Variants in ANO4 observed in about 807,000 individuals in gnomAD.
The protein encoded by ANO4 is anoctamin-4.
Under a neutral mutation model 141.9 loss-of-function variants are expected in ANO4, and 69 were observed. The ratio of observed to expected loss-of-function variants is 0.49; its 90% CI spans 0.40 to 0.59. The LOEUF (loss-of-function observed/expected upper bound fraction) is 0.59, where lower values mean the gene tolerates loss of function less well. Among genes scored for constraint, ANO4 ranks in the 20% least tolerant of loss-of-function variants. The pLI is 0.00. For missense variants in ANO4, 894 were observed against 1,162.2 expected (o/e 0.77, Z 3.36); for synonymous variants, 350 against 394.3 (o/e 0.89, Z 1.33).
chr12:101,020,219 G>A, intron 9 of ANO4, 79 bp downstream of exon 9: 11 of 986,666 alleles, frequency 1.1e-5, no homozygotes, highest in East Asian at 2.5e-5. Context: ...TATTAAGTTT[G>A]TATCAATTCT....
intron 1 of ANO4, among the ~76,000 whole-genome samples, chr12:100,880,304 C>G (rs1454240048): frequency 6.6e-6 from 1 of 152,162 alleles, no homozygotes; most frequent in Non-Finnish European, 1.5e-5. Flanking sequence ...GTAGTAATAG[C>G]AATGGCTAAT....
chr12:100,987,816 T>G (rs901081085), intron 8 of ANO4, 146 bp downstream of exon 8: 4 of 1,161,096 alleles, frequency 3.4e-6, no homozygotes, highest in Non-Finnish European at 4.8e-6. Context: ...TTCATATCCC[T>G]TTTATTTCAG....
At position 100,874,925 on chromosome 12, in the gene ANO4, T is replaced by A. The variant is rs117723798; in HGVS notation, c.-140-26721T>A. Among the ~76,000 whole-genome samples the A allele has an allele frequency of 7.7e-3, 1,167 of 152,258 alleles. 8 individuals are homozygous for A. The highest frequency in any genetic ancestry group is 0.011 in the Non-Finnish European group (770 of 68,010). On this transcript the variant is annotated intron_variant, in intron 1 of 27. Coordinates refer to ENST00000392977, the MANE Select transcript of ANO4 (RefSeq NM_001286615.2). ...ATTGGGTGTATTTCCCCAATGCCTG[T>A]ACCCTCATTGTATCTTGAAAGTAAC...
intron 1 of ANO4, among the ~76,000 whole-genome samples, chr12:100,725,701 G>A (rs1046491347): frequency 1.3e-5 from 2 of 152,190 alleles, no homozygotes; most frequent in African/African-American, 4.8e-5. Flanking sequence ...GGACTTTGGA[G>A]CTTCATAGTT....
chr12:100,969,832 A>G (rs1437634423), intron 5 of ANO4, among the ~76,000 whole-genome samples: 2 of 152,216 alleles, frequency 1.3e-5, no homozygotes, highest in Non-Finnish European at 2.9e-5. Context: ...CCTATATGAG[A>G]AAGATGGGGA....
intron 1 of ANO4, among the ~76,000 whole-genome samples, chr12:100,812,614 G>A (rs1212621865): frequency 6.6e-6 from 1 of 152,180 alleles, no homozygotes; most frequent in Non-Finnish European, 1.5e-5. Context: ...TGACTTACAT[G>A]TAAGATACAG....
chr12:100,871,300 A>C (rs1162786926), intron 1 of ANO4, among the ~76,000 whole-genome samples: 1 of 152,238 alleles, frequency 6.6e-6, no homozygotes, highest in South Asian at 2.1e-4. Context: ...CAGTTTCTTC[A>C]ATCAAACTCT....
chr12:100,824,219 TGTCA>T (rs950753165), intron 1 of ANO4, among the ~76,000 whole-genome samples: 4 of 152,000 alleles, frequency 2.6e-5, no homozygotes, highest in African/African-American at 4.8e-5. Context: ...CTGACTGTAC[TGTCA>T]GTCAGTCATG....
At chr12:101,068,419 C>T (rs184203431) in intron 14 of ANO4, 36 of 928,952 alleles carry the variant, frequency 3.9e-5, no homozygotes, top group East Asian at 3.1e-4. Context: ...CTGAGTATCT[C>T]GCTGTTTTTA....
chr12:100,755,967 A>T (rs948470583), intron 3 of ANO4, among the ~76,000 whole-genome samples: 1 of 152,186 alleles, frequency 6.6e-6, no homozygotes, highest in Non-Finnish European at 1.5e-5. Flanking sequence ...GAGATTCTGA[A>T]TAGTTATCAC....
chr12:100,989,323 C>A (rs1042644413), intron 8 of ANO4, among the ~76,000 whole-genome samples: 1 of 152,212 alleles, frequency 6.6e-6, no homozygotes, highest in Non-Finnish European at 1.5e-5. Flanking sequence ...AAAGCTGATA[C>A]GTTCCCATTC....
chr12:101,053,455 A>G (rs60927046), intron 14 of ANO4, among the ~76,000 whole-genome samples: 15,999 of 152,222 alleles, frequency 0.11, 1,149 homozygotes, highest in African/African-American at 0.2. Flanking sequence ...TGGAGGCTCA[A>G]AGTCCAAAAT....
At chr12:100,976,377 G>C (rs1312979237) in intron 7 of ANO4, among the ~76,000 whole-genome samples, 2 of 152,178 alleles carry the variant, frequency 1.3e-5, no homozygotes, top group Non-Finnish European at 1.5e-5. Flanking sequence ...CTCAAAAATT[G>C]CCTGCGAGCA....
chr12:101,077,276 C>G (rs2049059269), intron 14 of ANO4, among the ~76,000 whole-genome samples: 1 of 152,200 alleles, frequency 6.6e-6, no homozygotes, highest in Admixed American at 6.5e-5. Context: ...TGGGAGACGA[C>G]TTGGAAGCTT....
intron 1 of ANO4, among the ~76,000 whole-genome samples, chr12:100,728,421 A>G (rs1478075106): frequency 6.6e-6 from 1 of 152,200 alleles, no homozygotes; most frequent in Admixed American, 6.5e-5. Flanking sequence ...AACACCAGAT[A>G]CAGGAGGAAC....
intron 8 of ANO4, among the ~76,000 whole-genome samples, chr12:101,015,893 T>G (rs1392692126): frequency 6.6e-6 from 1 of 152,110 alleles, no homozygotes; most frequent in Non-Finnish European, 1.5e-5. Flanking sequence ...AGACTTCATT[T>G]GGAGAAAGCT....
At chr12:100,971,225 A>T in intron 5 of ANO4, 81 bp from the exon 6 acceptor site, 1 of 943,900 alleles carries the variant, frequency 1.1e-6, no homozygotes, top group Non-Finnish European at 1.7e-6. Context: ...GTCCAGGTCC[A>T]TGCATTCTAA....
At chr12:101,106,475 A>G (rs1007977161) in intron 22 of ANO4, among the ~76,000 whole-genome samples, 2 of 151,726 alleles carry the variant, frequency 1.3e-5, no homozygotes, top group African/African-American at 4.8e-5. Flanking sequence ...AAAATTGTAA[A>G]TAATGATATT....
At chr12:101,067,045 G>T (rs1593177757) in intron 14 of ANO4, 1 of 478,116 alleles carries the variant, frequency 2.1e-6, no homozygotes, top group Non-Finnish European at 3.7e-6. Context: ...TGGGCTTATT[G>T]TGAGTGTTTT....
Sources: allele counts gnomAD v4.1 joint callset (sites outside exome capture counted in the v4.1 genomes callset), GRCh38; gene constraint gnomAD v4.1.1; transcripts MANE v1.5; gene names NCBI Gene and HGNC (gene_info 2026-07-23, HGNC 2026-07-21).